RNGTT: variants seen among roughly 807,000 people sequenced by gnomAD.
RNGTT encodes the protein RNA guanylyltransferase and 5'-phosphatase, also known as mRNA-capping enzyme.
A neutral mutation model predicts 79.3 loss-of-function variants in RNGTT; 33 were observed. The ratio of observed to expected loss-of-function variants is 0.42; its 90% CI spans 0.32 to 0.56. RNGTT has a LOEUF of 0.56. Among genes scored for constraint, RNGTT ranks in the 20% least tolerant of loss-of-function variants. The pLI, the probability that RNGTT is intolerant of heterozygous loss-of-function variation, is 0.17. For synonymous variants in RNGTT, 222 were observed against 235.9 expected (o/e 0.94, Z 0.54); for missense variants, 497 against 739.1 (o/e 0.67, Z 3.80).
chr6:88,773,967 T>C (rs1467795095), intron 12 of RNGTT, among the ~76,000 whole-genome samples: 1 of 152,132 alleles, frequency 6.6e-6, no homozygotes, highest in Non-Finnish European at 1.5e-5. Flanking sequence ...TTGGGCTTAA[T>C]CAAAATTAAA....
intron 6 of RNGTT, among the ~76,000 whole-genome samples, chr6:88,896,939 A>G (rs1783269784): frequency 6.6e-6 from 1 of 152,166 alleles, no homozygotes; most frequent in Non-Finnish European, 1.5e-5. Context: ...GTCCAACTGG[A>G]ACATCCTGCT....
chr6:88,822,039 T>C (rs751170417), intron 11 of RNGTT, among the ~76,000 whole-genome samples: 3 of 152,222 alleles, frequency 2.0e-5, no homozygotes, highest in Non-Finnish European at 2.9e-5. Flanking sequence ...TGTTAAGTGC[T>C]GTGCAGTCAG....
At chr6:88,810,086 A>T (rs995386942) in intron 11 of RNGTT, among the ~76,000 whole-genome samples, 4 of 150,964 alleles carry the variant, frequency 2.6e-5, no homozygotes, top group Non-Finnish European at 5.9e-5. Flanking sequence ...TTTTTATAAT[A>T]AAAAAAATTA....
At chr6:88,829,399 C>T (rs1012598975) in intron 11 of RNGTT, among the ~76,000 whole-genome samples, 1 of 152,074 alleles carries the variant, frequency 6.6e-6, no homozygotes, top group Non-Finnish European at 1.5e-5. Flanking sequence ...AGGAAAAAAC[C>T]AGTATCAACC....
At chr6:88,788,342 G>A (rs1173676437) in intron 12 of RNGTT, among the ~76,000 whole-genome samples, 4 of 151,946 alleles carry the variant, frequency 2.6e-5, no homozygotes, top group Non-Finnish European at 4.4e-5. Flanking sequence ...GAAAGGGACC[G>A]CAAAGAATGG....
chr6:88,664,451 A>C (rs1359896632), intron 14 of RNGTT, among the ~76,000 whole-genome samples: 1 of 152,206 alleles, frequency 6.6e-6, no homozygotes, highest in East Asian at 1.9e-4. Context: ...TACTGGAAAT[A>C]GCCAACCAAG....
chr6:88,719,272 A>G (rs1408818168), intron 13 of RNGTT, among the ~76,000 whole-genome samples: 1 of 152,224 alleles, frequency 6.6e-6, no homozygotes. Flanking sequence ...AGCTTCCGTG[A>G]AACTTTTCTG....
At chr6:88,798,187 G>T (rs186793384) in intron 12 of RNGTT, among the ~76,000 whole-genome samples, 3 of 152,086 alleles carry the variant, frequency 2.0e-5, no homozygotes, top group Non-Finnish European at 2.9e-5. Flanking sequence ...AAAATTGGCC[G>T]GGTACAGTGG....
intron 4 of RNGTT, among the ~76,000 whole-genome samples, chr6:88,919,500 G>T (rs2127949479): frequency 6.6e-6 from 1 of 152,140 alleles, no homozygotes; most frequent in South Asian, 2.1e-4. Flanking sequence ...ATTTTGGAGG[G>T]TGTGGGGGGT....
intron 14 of RNGTT, among the ~76,000 whole-genome samples, chr6:88,623,856 T>C (rs1772528576): frequency 6.6e-6 from 1 of 152,052 alleles, no homozygotes; most frequent in Non-Finnish European, 1.5e-5. Flanking sequence ...CCAATAAGTT[T>C]AACAAGGCTG....
chr6:88,616,230 C>A (rs1772212446), intron 14 of RNGTT, among the ~76,000 whole-genome samples: 1 of 152,220 alleles, frequency 6.6e-6, no homozygotes, highest in Non-Finnish European at 1.5e-5. Flanking sequence ...GTATACACCA[C>A]ATTTTCTTTA....
intron 7 of RNGTT, among the ~76,000 whole-genome samples, 174 bp from the exon 8 acceptor site, chr6:88,890,770 T>A (rs1336847294): frequency 6.6e-6 from 1 of 152,230 alleles, no homozygotes; most frequent in Non-Finnish European, 1.5e-5. Flanking sequence ...GATTATCATT[T>A]TCTTGACATT....
chr6:88,778,570 A>G (rs1778965922), intron 12 of RNGTT, among the ~76,000 whole-genome samples: 1 of 152,204 alleles, frequency 6.6e-6, no homozygotes, highest in South Asian at 2.1e-4. Flanking sequence ...ACAGCACTGC[A>G]GCCTTGAACT....
At chr6:88,720,358 C>T (rs2127812730) in intron 13 of RNGTT, among the ~76,000 whole-genome samples, 1 of 152,156 alleles carries the variant, frequency 6.6e-6, no homozygotes, top group Admixed American at 6.5e-5. Context: ...CTATAGTCTT[C>T]AGCCTTTTAT....
Position 88,844,538 on chromosome 6 carries a change from ATTAG to A in RNGTT, c.1105-21_1105-18del, listed in dbSNP as rs757540012. On this transcript the variant is annotated intron_variant, in intron 10 of 15. Transcript: ENST00000369485. ...GGGCTGTGACTGAATTAAATAAAGA[ATTAG>A]TTAAATTTCAACACTAACAACTATT... The A allele has an allele frequency of 1.3e-6, 2 of 1,593,670 alleles. No individual in the cohort carries two copies. The highest frequency in any genetic ancestry group is 2.2e-5 in the East Asian group (1 of 44,744).
intron 11 of RNGTT, among the ~76,000 whole-genome samples, chr6:88,824,291 A>G (rs1361918224): frequency 6.6e-6 from 1 of 152,228 alleles, no homozygotes; most frequent in Non-Finnish European, 1.5e-5. Context: ...ACAAACCTGT[A>G]CAGCATGTAA....
chr6:88,826,486 A>C (rs1176047246), intron 11 of RNGTT, among the ~76,000 whole-genome samples: 1 of 152,090 alleles, frequency 6.6e-6, no homozygotes, highest in Non-Finnish European at 1.5e-5. Flanking sequence ...GCTCTGCTCG[A>C]AGTATAAAAA....
chr6:88,882,481 T>G (rs181495318), intron 8 of RNGTT, among the ~76,000 whole-genome samples: 231 of 152,306 alleles, frequency 1.5e-3, no homozygotes, highest in Non-Finnish European at 2.2e-3. Context: ...TATAATTTAG[T>G]GTATTACTAA....
chr6:88,847,830 T>C (rs1463309781), intron 10 of RNGTT, among the ~76,000 whole-genome samples: 1 of 151,766 alleles, frequency 6.6e-6, no homozygotes, highest in African/African-American at 2.4e-5. Flanking sequence ...GCCACACATA[T>C]AACCAGGAAA....
Sources: gnomAD v4.1 joint callset for allele counts (sites outside exome capture counted in the v4.1 genomes callset) on GRCh38, gnomAD v4.1.1 for gene constraint, MANE v1.5 for transcripts, NCBI Gene and HGNC (gene_info 2026-07-23, HGNC 2026-07-21) for gene names.